The following GLDN variants were observed in gnomAD, a reference collection of about 807,000 sequenced individuals.
GLDN encodes the protein collomin.
A neutral mutation model predicts 56.5 loss-of-function variants in GLDN; 47 were observed. The observed-to-expected ratio is 0.83, with a 90% CI of 0.66 to 1.06. The LOEUF (loss-of-function observed/expected upper bound fraction) is 1.06, where lower values mean the gene tolerates loss of function less well. Ranked by LOEUF, GLDN falls within the 50% of genes least tolerant of loss-of-function variation. The pLI, the probability that GLDN is intolerant of heterozygous loss-of-function variation, is 0.00. For missense variants in GLDN, 782 were observed against 714.3 expected (o/e 1.09, Z -1.08); for synonymous variants, 332 against 278.8 (o/e 1.19, Z -1.90).
chr15:51,379,887 G>C (rs1001864), intron 2 of GLDN, among the ~76,000 whole-genome samples: 17,492 of 152,186 alleles, frequency 0.11, 1,351 homozygotes, highest in Non-Finnish European at 0.17. Flanking sequence ...ACCTGTTTTG[G>C]TGTGAGTTTT....
At chr15:51,393,057 GT>G (rs1487649603) in intron 4 of GLDN, among the ~76,000 whole-genome samples, 1 of 152,138 alleles carries the variant, frequency 6.6e-6, no homozygotes, top group African/African-American at 2.4e-5. Flanking sequence ...TTAGCTGTAG[GT>G]TTTTTTGTAG....
intron 1 of GLDN, among the ~76,000 whole-genome samples, chr15:51,349,342 T>A (rs2037033777): frequency 6.6e-6 from 1 of 152,276 alleles, no homozygotes; most frequent in African/African-American, 2.4e-5. Context: ...TTTCCAAATG[T>A]TGTAAAAGCT....
intron 4 of GLDN, among the ~76,000 whole-genome samples, chr15:51,388,457 G>A (rs1372560698): frequency 2.0e-5 from 3 of 152,030 alleles, no homozygotes; most frequent in African/African-American, 7.2e-5. Context: ...GCAATCAATC[G>A]AAATATCCCT....
chr15:51,400,633 G>A, intron 8 of GLDN, 135 bp downstream of exon 8: 1 of 1,022,922 alleles, frequency 9.8e-7, no homozygotes, highest in Non-Finnish European at 1.4e-6. Context: ...CTTTATTTTA[G>A]AAAGACCAAT....
intron 4 of GLDN, among the ~76,000 whole-genome samples, chr15:51,392,023 C>G (rs911127504): frequency 6.6e-6 from 1 of 152,226 alleles, no homozygotes; most frequent in African/African-American, 2.4e-5. Context: ...GTGATCGACA[C>G]TTTGAGGCTT....
chr15:51,376,054 C>G (rs546602841), intron 1 of GLDN, among the ~76,000 whole-genome samples: 3 of 152,180 alleles, frequency 2.0e-5, no homozygotes, highest in South Asian at 2.1e-4. Context: ...AGCGAATATT[C>G]TTAGATCTTT....
chr15:51,395,516 C>T (rs1418243229), intron 5 of GLDN, among the ~76,000 whole-genome samples: 1 of 152,146 alleles, frequency 6.6e-6, no homozygotes, highest in Non-Finnish European at 1.5e-5. Context: ...TGGGGCTTTA[C>T]TGGGGGCTTC....
At chr15:51,352,476 G>A (rs558548955) in intron 1 of GLDN, among the ~76,000 whole-genome samples, 10 of 152,256 alleles carry the variant, frequency 6.6e-5, no homozygotes, top group African/African-American at 2.4e-4. Context: ...TATGCTCCTA[G>A]TGTCTTGTTT....
downstream of GLDN, among the ~76,000 whole-genome samples, chr15:51,410,024 T>C (rs931007815): frequency 6.6e-6 from 1 of 152,156 alleles, no homozygotes; most frequent in African/African-American, 2.4e-5. Flanking sequence ...CACGCCCAAG[T>C]CCAGCACTAC....
intron 2 of GLDN, among the ~76,000 whole-genome samples, chr15:51,382,837 T>C (rs1198378892): frequency 6.6e-6 from 1 of 152,164 alleles, no homozygotes; most frequent in Non-Finnish European, 1.5e-5. Context: ...AAGACACCCC[T>C]ATTTGTGGGA....
rs774420063 is a variant in GLDN, at chr15:51,404,511, G to A, written c.1413G>A (p.Lys471=). Residue 471 remains lysine, a synonymous_variant, in exon 10 of 10, where the codon AAG becomes AAA. Coordinates refer to ENST00000335449, the MANE Select transcript of GLDN (RefSeq NM_181789.4). ...TCAATACCACGTACCCTAAATCCAA[G>A]GCTGGCAACGCCTTCATTGCCCGAG... ...QHVNTTYPKS[K]AGNAFIARGI... 2.2e-5 allele frequency: 36 copies of A among 1,614,066 alleles called. No homozygotes were observed. The South Asian group carries it at 4.0e-4, about 18-fold the overall frequency.
At chr15:51,385,706 A>T (rs2037876662) in intron 4 of GLDN, among the ~76,000 whole-genome samples, 3 of 152,100 alleles carry the variant, frequency 2.0e-5, no homozygotes, top group Non-Finnish European at 1.5e-5. Flanking sequence ...TACCAAGAGG[A>T]GGTAAAAGAG....
At chr15:51,342,140 A>G in intron 1 of GLDN, 93 bp downstream of exon 1, 1 of 1,136,142 alleles carries the variant, frequency 8.8e-7, no homozygotes, top group Non-Finnish European at 1.1e-6. Context: ...TCCCCTGGCC[A>G]GGCTGCGAGG....
rs142641966 is a variant in GLDN at position 51,379,548 on chromosome 15, T to G, written c.415+2048T>G. ...AGCACAGCCTCATAGCATTCTTTTCTGCTGTTCCAGAAAGCCAGCACTAAT... is the reference window on the plus strand; with the variant it reads ...AGCACAGCCTCATAGCATTCTTTTCGGCTGTTCCAGAAAGCCAGCACTAAT... On this transcript the variant is annotated intron_variant, in intron 2 of 9. Transcript: ENST00000335449. Among the ~76,000 whole-genome samples, 22 of 152,356 alleles carry G rather than the reference T, an allele frequency of 1.4e-4. 1 individual carries two copies. Among genetic ancestry groups the G allele is most frequent in the African/African-American group, 5.3e-4 (22 of 41,586 alleles).
chr15:51,352,177 T>C (rs2037088806), intron 1 of GLDN, among the ~76,000 whole-genome samples: 1 of 152,092 alleles, frequency 6.6e-6, no homozygotes, highest in African/African-American at 2.4e-5. Flanking sequence ...TGTTTTCTGG[T>C]TCATAGATGG....
intron 4 of GLDN, chr15:51,384,582 C>A (rs757163749): frequency 1.9e-5 from 3 of 154,090 alleles, no homozygotes; most frequent in Non-Finnish European, 4.3e-5. Flanking sequence ...TGGTGCAGGG[C>A]CTGGCAGGAG....
rs746742376 is a variant in GLDN at position 51,400,432 on chromosome 15, G to A, written c.961G>A (p.Gly321Arg). 6.2e-7 allele frequency: 1 copy of A among 1,614,170 alleles called. No individual in the cohort carries two copies. Among genetic ancestry groups the A allele is most frequent in the South Asian group, 1.1e-5 (1 of 91,076 alleles). The change falls in exon 8 of 10, where the codon GGG becomes AGG. Residue 321 changes from glycine (G) to arginine (R), a missense_variant. Physicochemically the swap from Gly to Arg is moderately radical, Grantham distance 125. Transcript: ENST00000335449. ...VQVLKVTETF[G>R]TWIRESANKS... is the part of the protein sequence containing the mutation. ...AGTACTGAAAGTGACAGAGACATTT[G>A]GGACTTGGATAAGAGAGTCTGCTAA...
intron 9 of GLDN, among the ~76,000 whole-genome samples, chr15:51,403,588 A>G (rs1299407121): frequency 1.3e-5 from 2 of 152,220 alleles, no homozygotes; most frequent in Admixed American, 6.5e-5. Flanking sequence ...TACAGCCTCC[A>G]GGAGCTAAGG....
chr15:51,404,615 C>T lies in GLDN; in HGVS notation c.1517C>T (p.Ala506Val). 1 of 1,613,926 alleles carries T rather than the reference C, an allele frequency of 6.2e-7. No homozygotes were observed. Among genetic ancestry groups the T allele is most frequent in the Admixed American group, 1.7e-5 (1 of 60,034 alleles). ...TTGTTAGGAGGGAAACAGATCAATG[C>T]AAACTTTGATTTAAGAACTTCCCAG... is the stretch of plus-strand genomic sequence containing the variant. ...FDLLGGKQINANFDLRTSQSV... is the reference protein window; with the variant it reads ...FDLLGGKQINVNFDLRTSQSV... Residue 506 changes from alanine to valine, a missense_variant, in exon 10 of 10, where the codon GCA becomes GTA. Coordinates refer to ENST00000335449, the MANE Select transcript of GLDN (RefSeq NM_181789.4).
Sources: gnomAD v4.1 joint callset for allele counts (sites outside exome capture counted in the v4.1 genomes callset) on GRCh38, gnomAD v4.1.1 for gene constraint, MANE v1.5 for transcripts, NCBI Gene and HGNC (gene_info 2026-07-23, HGNC 2026-07-21) for gene names.